The following TRDN variants were observed in gnomAD, a reference collection of about 807,000 sequenced individuals.
TRDN encodes the protein triadin in skeletal muscle.
TRDN carries 161 observed loss-of-function variants against 149.7 expected under a neutral mutation model. The observed-to-expected ratio is 1.08, with a 90% CI of 0.95 to 1.23. The LOEUF (loss-of-function observed/expected upper bound fraction) is 1.23, where lower values mean the gene tolerates loss of function less well. Ranked by LOEUF, TRDN falls within the 50% of genes most tolerant of loss-of-function variation. The probability of loss-of-function intolerance (pLI) is 0.00; values close to 1 mark genes in which losing one functional copy is unlikely to be tolerated. For synonymous variants in TRDN, 294 were observed against 250.5 expected, an observed-to-expected ratio of 1.17 and a Z score of -1.64; for missense variants, 896 against 823.5, an observed-to-expected ratio of 1.09 and a Z score of -1.08.
At chr6:123,360,465 C>G (rs922109023) in intron 20 of TRDN, among the ~76,000 whole-genome samples, 2 of 152,104 alleles carry the variant, frequency 1.3e-5, no homozygotes, top group African/African-American at 4.8e-5. Flanking sequence ...AGCCCAACAA[C>G]AGAGAAGTTT....
At chr6:123,300,185 T>C (rs1778351737) in intron 24 of TRDN, among the ~76,000 whole-genome samples, 1 of 151,944 alleles carries the variant, frequency 6.6e-6, no homozygotes, top group Non-Finnish European at 1.5e-5. Flanking sequence ...AAAGTTTAGT[T>C]TGGGTTGAAA....
At chr6:123,579,929 C>A (rs1237431210) in intron 1 of TRDN, among the ~76,000 whole-genome samples, 2 of 152,182 alleles carry the variant, frequency 1.3e-5, no homozygotes, top group Non-Finnish European at 2.9e-5. Flanking sequence ...TTTCCTTTCA[C>A]CTTCCACCAT....
intron 9 of TRDN, among the ~76,000 whole-genome samples, chr6:123,484,759 G>C (rs1777906612): frequency 6.6e-6 from 1 of 152,146 alleles, no homozygotes; most frequent in Non-Finnish European, 1.5e-5. Flanking sequence ...GCAAGACTAG[G>C]AGACAAAATT....
intron 23 of TRDN, among the ~76,000 whole-genome samples, chr6:123,329,176 T>C (rs573645778): frequency 5.3e-5 from 8 of 152,282 alleles, no homozygotes; most frequent in Middle Eastern, 3.4e-3. Context: ...ATTTTTATTT[T>C]AATTCAATAG....
chr6:123,602,148 A>C (rs1230865182), intron 1 of TRDN, among the ~76,000 whole-genome samples: 1 of 152,062 alleles, frequency 6.6e-6, no homozygotes, highest in Non-Finnish European at 1.5e-5. Context: ...TCTGTTTTTT[A>C]AAAAATAAGT....
intron 18 of TRDN, among the ~76,000 whole-genome samples, chr6:123,376,113 G>GT (rs1314560562): frequency 1.3e-5 from 2 of 152,070 alleles, no homozygotes; most frequent in Non-Finnish European, 2.9e-5. Context: ...GCAATTTATT[G>GT]TATTTTGTCA....
At chr6:123,556,716 G>A (rs1400687694) in intron 2 of TRDN, among the ~76,000 whole-genome samples, 1 of 149,054 alleles carries the variant, frequency 6.7e-6, no homozygotes, top group African/African-American at 2.5e-5. Flanking sequence ...CTCTCCTTAT[G>A]ACTTCTGGAT....
chr6:123,337,636 GA>G lies in TRDN; in HGVS notation c.1402del (p.Ser468GlnfsTer3), dbSNP rs1397307985. On this transcript the variant is annotated frameshift_variant, in exon 22 of 41. Coordinates refer to ENST00000334268, the MANE Select transcript of TRDN (RefSeq NM_006073.4). LOFTEE classifies it high-confidence loss of function. ...TCTGTTACCTTTATCTTTCAGAATTGAAGAAGTCTTCCCAGATTTTTCTTTT... is the reference window on the plus strand; with the variant it reads ...TCTGTTACCTTTATCTTTCAGAATTGAGAAGTCTTCCCAGATTTTTCTTTT... ...IRKEKSGKTS[S>X]ILKDKEPIKG... 7.0e-7 allele frequency: 1 copy of G among 1,434,268 alleles called. No individual in the cohort carries two copies. The highest frequency in any genetic ancestry group is 1.5e-5 in the African/African-American group (1 of 68,780). The allele number at this position is 1,434,268 out of a possible 1,614,324, so 88.8% of individuals were successfully genotyped here.
intron 2 of TRDN, among the ~76,000 whole-genome samples, chr6:123,551,523 G>GTAATTGTAT (rs1781392191): frequency 1.3e-5 from 2 of 151,804 alleles, no homozygotes; most frequent in Middle Eastern, 6.8e-3. Context: ...AGATACTTAG[G>GTAATTGTAT]TAATTGTATT....
intron 9 of TRDN, among the ~76,000 whole-genome samples, chr6:123,493,914 C>T (rs1434052901): frequency 1.3e-5 from 2 of 152,158 alleles, no homozygotes; most frequent in African/African-American, 4.8e-5. Flanking sequence ...TATTGCCACA[C>T]TGACAAAGAT....
chr6:123,402,031 G>A (rs1337688719), intron 12 of TRDN, among the ~76,000 whole-genome samples: 3 of 151,878 alleles, frequency 2.0e-5, no homozygotes, highest in Non-Finnish European at 4.4e-5. Flanking sequence ...CAGAGTGAAT[G>A]ACAATGTATC....
Position 123,266,441 on chromosome 6 carries a change from T to A in TRDN, c.1784-1103A>T, listed in dbSNP as rs1371080604. Among the ~76,000 whole-genome samples, 2 of 94,634 alleles carry A rather than the reference T, an allele frequency of 2.1e-5. 1 individual carries two copies. The highest frequency in any genetic ancestry group is 9.6e-5 in the African/African-American group (2 of 20,918). 62.1% of individuals were successfully genotyped at this position (94,634 alleles called of 152,430 possible). ...AGATTATGATATGTATTATATATAA[T>A]ATATAGATTATGATATGTATTATAT... On this transcript the variant is annotated intron_variant, in intron 32 of 40. Transcript: ENST00000334268.
Position 123,272,956 on chromosome 6 carries a change from CA to C in TRDN, c.1672+7del. On this transcript the variant is annotated splice_region_variant and intron_variant, in intron 29 of 40. Transcript: ENST00000334268. ...TATTTGAGACTACAAATACCACCTG[CA>C]AAATACCTGGTTTACCATGAGAAAC... 6.6e-7 allele frequency: 1 copy of C among 1,525,932 alleles called. No individual in the cohort carries two copies. The allele number at this position is 1,525,932 out of a possible 1,614,324, so 94.5% of individuals were successfully genotyped here.
At chr6:123,264,206 C>T (rs1228451708) in intron 33 of TRDN, among the ~76,000 whole-genome samples, 1 of 152,048 alleles carries the variant, frequency 6.6e-6, no homozygotes, top group Non-Finnish European at 1.5e-5. Flanking sequence ...AATTGAAAGT[C>T]TTCTGGAATG....
intron 23 of TRDN, among the ~76,000 whole-genome samples, chr6:123,321,532 A>G (rs1366627743): frequency 3.3e-5 from 5 of 151,930 alleles, no homozygotes; most frequent in Admixed American, 2.0e-4. Flanking sequence ...TATTACCACT[A>G]CTACACACAA....
At chr6:123,234,023 T>C (rs1775702906) in intron 38 of TRDN, among the ~76,000 whole-genome samples, 1 of 152,048 alleles carries the variant, frequency 6.6e-6, no homozygotes, top group Non-Finnish European at 1.5e-5. Flanking sequence ...AGATGAATAT[T>C]ATTATTCAAA....
At chr6:123,218,842 G>A in intron 40 of TRDN, 102 bp from the exon 41 acceptor site, 7 of 1,266,012 alleles carry the variant, frequency 5.5e-6, no homozygotes, top group Non-Finnish European at 7.6e-6. Flanking sequence ...GATTCTGCCA[G>A]CAGCCTCCGT....
intron 20 of TRDN, among the ~76,000 whole-genome samples, chr6:123,355,519 T>A (rs1169448110): frequency 6.6e-6 from 1 of 151,716 alleles, no homozygotes; most frequent in Admixed American, 6.6e-5. Flanking sequence ...CTCCTGTAGG[T>A]TTAAGATAAT....
At chr6:123,377,520 C>T (rs778015680) in intron 18 of TRDN, among the ~76,000 whole-genome samples, 196 bp downstream of exon 18, 16 of 152,110 alleles carry the variant, frequency 1.1e-4, no homozygotes, top group Admixed American at 6.6e-5. Context: ...CATTGAGGAG[C>T]AAGAGTGTAA....
Sources: allele counts gnomAD v4.1 joint callset (sites outside exome capture counted in the v4.1 genomes callset), GRCh38; gene constraint gnomAD v4.1.1; transcripts MANE v1.5; gene names NCBI Gene and HGNC (gene_info 2026-07-23, HGNC 2026-07-21).